DENND1A: variants seen among roughly 807,000 people sequenced by gnomAD.
DENND1A encodes the protein DENN domain-containing protein 1A.
Under a neutral mutation model 113.7 loss-of-function variants are expected in DENND1A, and 51 were observed. The observed-to-expected ratio is 0.45, with a 90% confidence interval of 0.36 to 0.57. The LOEUF (loss-of-function observed/expected upper bound fraction) is 0.57, where lower values mean the gene tolerates loss of function less well. Ranked by LOEUF, DENND1A falls within the 20% of genes least tolerant of loss-of-function variation. The pLI, the probability that DENND1A is intolerant of heterozygous loss-of-function variation, is 0.00. For synonymous variants in DENND1A, 565 were observed against 570.8 expected (o/e 0.99, Z 0.14); for missense variants, 1,258 against 1,395.9 (o/e 0.90, Z 1.57).
chr9:123,896,293 C>A (rs2133830350), intron 1 of DENND1A, among the ~76,000 whole-genome samples: 1 of 151,720 alleles, frequency 6.6e-6, no homozygotes, highest in South Asian at 2.1e-4. Context: ...CCCTAGGCAA[C>A]AGAGTGAGAC....
chr9:123,556,265 A>G (rs2057409001), intron 13 of DENND1A, among the ~76,000 whole-genome samples: 1 of 152,216 alleles, frequency 6.6e-6, no homozygotes, highest in Non-Finnish European at 1.5e-5. Flanking sequence ...CCTAAGTGCT[A>G]GATGGATAAA....
intron 5 of DENND1A, among the ~76,000 whole-genome samples, chr9:123,756,774 GAGA>G (rs887617760): frequency 1.3e-5 from 2 of 152,220 alleles, no homozygotes; most frequent in Non-Finnish European, 2.9e-5. Context: ...TTTTCTTGAT[GAGA>G]AGAAGAAAGT....
chr9:123,545,954 T>C (rs547999051), intron 13 of DENND1A, among the ~76,000 whole-genome samples: 2 of 152,276 alleles, frequency 1.3e-5, no homozygotes, highest in East Asian at 1.9e-4. Context: ...AAAACACCAG[T>C]AGCAGCAACC....
chr9:123,726,591 C>G (rs1354044992), intron 5 of DENND1A, among the ~76,000 whole-genome samples: 1 of 152,050 alleles, frequency 6.6e-6, no homozygotes, highest in African/African-American at 2.4e-5. Context: ...TGGCTTTTAC[C>G]AGTTGCTCAC....
chr9:123,857,103 T>C (rs547387657), intron 2 of DENND1A, among the ~76,000 whole-genome samples: 4 of 148,222 alleles, frequency 2.7e-5, no homozygotes, highest in South Asian at 4.3e-4. Flanking sequence ...TGAACACACA[T>C]AGAATCAAAA....
chr9:123,602,206 T>C (rs2059961611), intron 11 of DENND1A, among the ~76,000 whole-genome samples: 1 of 152,236 alleles, frequency 6.6e-6, no homozygotes, highest in Non-Finnish European at 1.5e-5. Context: ...CACATACTCC[T>C]GTATGCTTTA....
intron 13 of DENND1A, among the ~76,000 whole-genome samples, chr9:123,467,016 A>T (rs993839892): frequency 8.5e-5 from 13 of 152,188 alleles, no homozygotes; most frequent in African/African-American, 1.4e-4. Flanking sequence ...ACACCACTGC[A>T]CTTCAGCCTG....
At chr9:123,676,307 G>A (rs1397105578) in intron 6 of DENND1A, among the ~76,000 whole-genome samples, 1 of 152,190 alleles carries the variant, frequency 6.6e-6, no homozygotes, top group Non-Finnish European at 1.5e-5. Flanking sequence ...GTCACTTGCT[G>A]GTTAAGTGTT....
intron 13 of DENND1A, among the ~76,000 whole-genome samples, chr9:123,523,493 TTG>T (rs1222452929): frequency 6.6e-6 from 1 of 152,234 alleles, no homozygotes; most frequent in African/African-American, 2.4e-5. Context: ...CCTGTAGTAT[TTG>T]TGTGTTAGGC....
intron 1 of DENND1A, among the ~76,000 whole-genome samples, chr9:123,882,132 A>C (rs75228252): frequency 0.035 from 5,378 of 152,014 alleles, 101 homozygotes; most frequent in Middle Eastern, 0.048. Context: ...CATGCATACA[A>C]GCCCCAGTCA....
chr9:123,580,557 A>G (rs1435506283), intron 12 of DENND1A, among the ~76,000 whole-genome samples: 3 of 152,140 alleles, frequency 2.0e-5, no homozygotes, highest in Non-Finnish European at 4.4e-5. Flanking sequence ...CACTCATCTC[A>G]TGCTGCCCCA....
chr9:123,752,264 G>T (rs770315471), intron 5 of DENND1A, among the ~76,000 whole-genome samples: 2 of 152,144 alleles, frequency 1.3e-5, no homozygotes, highest in Non-Finnish European at 2.9e-5. Context: ...TGAAACAAGT[G>T]AAGGCCAGAG....
chr9:123,902,659 G>A (rs1245008602), intron 1 of DENND1A, among the ~76,000 whole-genome samples: 1 of 151,860 alleles, frequency 6.6e-6, no homozygotes, highest in East Asian at 1.9e-4. Context: ...TCTCTTGGAA[G>A]ACGAATATAT....
chr9:123,597,070 C>T (rs1210496525), intron 11 of DENND1A, among the ~76,000 whole-genome samples: 2 of 152,182 alleles, frequency 1.3e-5, no homozygotes, highest in Non-Finnish European at 2.9e-5. Context: ...GGTTTGGGGT[C>T]ACCCTATCAT....
At chr9:123,801,446 C>T (rs1440564549) in intron 2 of DENND1A, among the ~76,000 whole-genome samples, 1 of 152,220 alleles carries the variant, frequency 6.6e-6, no homozygotes, top group Non-Finnish European at 1.5e-5. Context: ...CATGATGTCG[C>T]ATGTGTCACA....
chr9:123,428,402 C>A (rs781293046), intron 19 of DENND1A, among the ~76,000 whole-genome samples: 13 of 152,150 alleles, frequency 8.5e-5, no homozygotes, highest in Non-Finnish European at 1.5e-4. Context: ...AAATATACCT[C>A]AAAATAGTAA....
intron 1 of DENND1A, among the ~76,000 whole-genome samples, chr9:123,913,936 C>T (rs1588220530): frequency 6.6e-6 from 1 of 151,236 alleles, no homozygotes; most frequent in Non-Finnish European, 1.5e-5. Context: ...CAGATATGGA[C>T]CTTTATTTTC....
chr9:123,447,589 A>G (rs2047398892), intron 18 of DENND1A, among the ~76,000 whole-genome samples: 1 of 152,194 alleles, frequency 6.6e-6, no homozygotes, highest in Admixed American at 6.5e-5. Flanking sequence ...GTTCTTGATT[A>G]TATCTGCAAG....
intron 13 of DENND1A, among the ~76,000 whole-genome samples, chr9:123,506,580 C>CAA (rs10542393): frequency 0.67 from 49,138 of 73,800 alleles, 20,577 homozygotes; most frequent in Non-Finnish European, 0.79. Context: ...GACTCTGTCT[C>CAA]AAAAAAAAAA....
Sources: gnomAD v4.1 joint callset for allele counts (sites outside exome capture counted in the v4.1 genomes callset) on GRCh38, gnomAD v4.1.1 for gene constraint, MANE v1.5 for transcripts, NCBI Gene and HGNC (gene_info 2026-07-23, HGNC 2026-07-21) for gene names.